The following AGMO variants were observed in gnomAD, a reference collection of about 807,000 sequenced individuals.
The protein encoded by AGMO is glyceryl-ether monooxygenase.
In AGMO, 75 loss-of-function variants were observed where a neutral mutation model predicts 60.2. That is an observed-to-expected ratio of 1.25 (90% CI 1.03 to 1.51). AGMO has a LOEUF of 1.51. Among genes scored for constraint, AGMO ranks in the 40% most tolerant of loss-of-function variants. AGMO has a pLI of 0.00. For missense variants in AGMO, 763 were observed against 525.5 expected (o/e 1.45, Z -4.42); for synonymous variants, 261 against 177.1 (o/e 1.47, Z -3.76).
intron 12 of AGMO, among the ~76,000 whole-genome samples, chr7:15,258,600 G>A (rs1015455649): frequency 4.6e-5 from 7 of 152,028 alleles, no homozygotes; most frequent in South Asian, 2.1e-4. Flanking sequence ...TCCACTTCCT[G>A]GCTGAAGGCC....
At chr7:15,339,138 C>A (rs1031265542) in intron 12 of AGMO, among the ~76,000 whole-genome samples, 1 of 152,088 alleles carries the variant, frequency 6.6e-6, no homozygotes, top group African/African-American at 2.4e-5. Context: ...ACCAGACTAA[C>A]CATGAATAAG....
At chr7:15,317,907 G>GTATATATATACACACACACGTA (rs1780980663) in intron 12 of AGMO, among the ~76,000 whole-genome samples, 1 of 120,678 alleles carries the variant, frequency 8.3e-6, no homozygotes, top group African/African-American at 3.0e-5. Flanking sequence ...ACACACACAC[G>GTATATATATACACACACACGTA]TATATATATA....
At chr7:15,186,839 G>A in the AGMO span, among the ~76,000 whole-genome samples, 1 of 152,132 alleles carries the variant, frequency 6.6e-6, no homozygotes, top group Non-Finnish European at 1.5e-5. Flanking sequence ...GCACTTTGCA[G>A]ATGTTTCTCC....
intron 12 of AGMO, among the ~76,000 whole-genome samples, chr7:15,204,069 T>C (rs147431027): frequency 0.015 from 2,236 of 152,260 alleles, 49 homozygotes; most frequent in African/African-American, 0.045. Flanking sequence ...TAAAAATATG[T>C]GACTCTGAAA....
At chr7:15,183,360 G>C in the AGMO span, among the ~76,000 whole-genome samples, 1 of 152,110 alleles carries the variant, frequency 6.6e-6, no homozygotes, top group Non-Finnish European at 1.5e-5. Flanking sequence ...TAGACAAGGT[G>C]TGTGAAGTTT....
intron 10 of AGMO, among the ~76,000 whole-genome samples, chr7:15,377,098 T>A (rs1783487469): frequency 6.6e-6 from 1 of 152,216 alleles, no homozygotes; most frequent in East Asian, 1.9e-4. Flanking sequence ...TTGGCTACAG[T>A]GAATCTGGAA....
At chr7:15,549,623 T>C (rs1365529837) in intron 2 of AGMO, among the ~76,000 whole-genome samples, 1 of 149,540 alleles carries the variant, frequency 6.7e-6, no homozygotes, top group Non-Finnish European at 1.5e-5. Context: ...CTAACTATCC[T>C]AAATATATAT....
intron 12 of AGMO, among the ~76,000 whole-genome samples, chr7:15,363,807 G>T (rs757582634): frequency 6.6e-6 from 1 of 151,986 alleles, no homozygotes; most frequent in Non-Finnish European, 1.5e-5. Context: ...TCTGGTGTGT[G>T]TAAGATAAAC....
At chr7:15,333,963 T>G (rs1781575092) in intron 12 of AGMO, among the ~76,000 whole-genome samples, 1 of 152,116 alleles carries the variant, frequency 6.6e-6, no homozygotes, top group South Asian at 2.1e-4. Flanking sequence ...AAAGTTACCA[T>G]AGAATACAAG....
At chr7:15,350,879 G>C (rs1416593840) in intron 12 of AGMO, among the ~76,000 whole-genome samples, 1 of 152,122 alleles carries the variant, frequency 6.6e-6, no homozygotes, top group Non-Finnish European at 1.5e-5. Flanking sequence ...GAATAAATGA[G>C]GCATTATTTT....
At chr7:15,149,294 T>C in the AGMO span, among the ~76,000 whole-genome samples, 3 of 152,210 alleles carry the variant, frequency 2.0e-5, no homozygotes, top group African/African-American at 4.8e-5. Flanking sequence ...ATCACTTCTT[T>C]TAGCATGCAG....
intron 12 of AGMO, among the ~76,000 whole-genome samples, chr7:15,354,591 G>A (rs112469955): frequency 0.024 from 3,161 of 131,496 alleles, 56 homozygotes; most frequent in Middle Eastern, 0.046. Flanking sequence ...TGCATGTGAT[G>A]GAATGATACA....
rs1244674784 is a variant in AGMO at position 15,557,318 on chromosome 7, C to A, written c.257+2823G>T. Among the ~76,000 whole-genome samples the A allele has an allele frequency of 2.6e-5, 4 of 152,000 alleles. No individual in the cohort carries two copies. In the South Asian group the frequency reaches 8.3e-4, roughly 31 times the overall value. On this transcript the variant is annotated intron_variant, in intron 2 of 12. Transcript: ENST00000342526. Reference sequence around the variant, plus strand: ...AACGAATTAGCAAAAGGCATACTACCATTTGTCTTGCAATCACCTATTTGA... The same window carrying A: ...AACGAATTAGCAAAAGGCATACTACAATTTGTCTTGCAATCACCTATTTGA...
At chr7:15,309,545 T>C (rs1478140717) in intron 12 of AGMO, among the ~76,000 whole-genome samples, 1 of 152,142 alleles carries the variant, frequency 6.6e-6, no homozygotes, top group Non-Finnish European at 1.5e-5. Context: ...AAGTCAGGTG[T>C]TGTTTTCATT....
chr7:15,541,358 G>A (rs957487401), intron 3 of AGMO, among the ~76,000 whole-genome samples: 1 of 152,100 alleles, frequency 6.6e-6, no homozygotes, highest in African/African-American at 2.4e-5. Flanking sequence ...CTGACCTCAT[G>A]ATCCGCCAGC....
intron 3 of AGMO, among the ~76,000 whole-genome samples, chr7:15,535,106 T>C (rs1258641434): frequency 6.6e-6 from 1 of 151,888 alleles, no homozygotes; most frequent in African/African-American, 2.4e-5. Flanking sequence ...TGCTTAATAT[T>C]ACACAGTTAA....
chr7:15,477,113 T>A lies in AGMO; in HGVS notation c.410-46005A>T, dbSNP rs76360914. Among the ~76,000 whole-genome samples, 1,054 of 150,366 alleles carry A rather than the reference T, an allele frequency of 7.0e-3. 14 individuals carry two copies. The highest frequency in any genetic ancestry group is 0.024 in the African/African-American group (995 of 41,436). Reference sequence around the variant, plus strand: ...GAAAAGGAATTAGCCTATCACAGACTATTTATTTTAGAACATTCTTTTTTT... The same window carrying A: ...GAAAAGGAATTAGCCTATCACAGACAATTTATTTTAGAACATTCTTTTTTT... On this transcript the variant is annotated intron_variant, in intron 3 of 12. Coordinates refer to ENST00000342526, the MANE Select transcript of AGMO (RefSeq NM_001004320.2).
intron 3 of AGMO, among the ~76,000 whole-genome samples, chr7:15,505,039 T>C (rs1188856019): frequency 1.3e-5 from 2 of 151,990 alleles, no homozygotes; most frequent in African/African-American, 4.8e-5. Context: ...GTAATGCCAA[T>C]TTTAATTTCA....
chr7:15,159,708 CAA>C, the AGMO span, among the ~76,000 whole-genome samples: 1 of 152,110 alleles, frequency 6.6e-6, no homozygotes, highest in African/African-American at 2.4e-5. Context: ...ATAATACTTT[CAA>C]AGATATTCCA....
Sources: allele counts gnomAD v4.1 joint callset (sites outside exome capture counted in the v4.1 genomes callset), GRCh38; gene constraint gnomAD v4.1.1; transcripts MANE v1.5; gene names NCBI Gene and HGNC (gene_info 2026-07-23, HGNC 2026-07-21).